The following COL22A1 variants were observed in gnomAD, a reference collection of about 807,000 sequenced individuals.
COL22A1 encodes the protein collagen type XXII alpha 1 chain, also known as collagen alpha-1(XXII) chain.
In COL22A1, 221 loss-of-function variants were observed where a neutral mutation model predicts 248.9. The ratio of observed to expected loss-of-function variants is 0.89; its 90% CI spans 0.80 to 0.99. COL22A1 has a LOEUF of 0.99. COL22A1 is among the 50% of genes least tolerant of loss of function. The pLI, the probability that COL22A1 is intolerant of heterozygous loss-of-function variation, is 0.00. For synonymous variants in COL22A1, 891 were observed against 793.4 expected, an observed-to-expected ratio of 1.12 and a Z score of -2.07; for missense variants, 2,240 against 2,179.0, an observed-to-expected ratio of 1.03 and a Z score of -0.56.
chr8:138,694,448 G>A, intron 34 of COL22A1, 60 bp downstream of exon 34: 1 of 1,533,830 alleles, frequency 6.5e-7, no homozygotes, highest in Non-Finnish European at 9.0e-7. Context: ...CCTGGAGCGA[G>A]AGAGTGTGGC....
At position 138,602,113 on chromosome 8, in the gene COL22A1, A is replaced by C; in HGVS notation, c.4185+2T>G. On this transcript the variant is annotated splice_donor_variant, in intron 60 of 64. Coordinates refer to ENST00000303045, the MANE Select transcript of COL22A1 (RefSeq NM_152888.3). LOFTEE classifies it high-confidence loss of function. ...TTCAAGGTGCCTGTGCTCTCCACTC[A>C]CCCTTTCTCCTTTGAATCCAGGCTC... 6.2e-7 allele frequency: 1 copy of C among 1,613,782 alleles called. No individual in the cohort carries two copies.
At chr8:138,800,764 T>C (rs1252296635) in intron 11 of COL22A1, among the ~76,000 whole-genome samples, 1 of 152,162 alleles carries the variant, frequency 6.6e-6, no homozygotes, top group Non-Finnish European at 1.5e-5. Flanking sequence ...TTTCTCTGAA[T>C]TCAGAATGTC....
chr8:138,640,842 G>T (rs182860265), intron 47 of COL22A1, among the ~76,000 whole-genome samples: 472 of 152,288 alleles, frequency 3.1e-3, no homozygotes, highest in African/African-American at 0.01. Context: ...AAGGTTCAGA[G>T]AATAATAAAT....
At chr8:138,755,308 T>C in intron 20 of COL22A1, 98 bp from the exon 21 acceptor site, 1 of 1,391,274 alleles carries the variant, frequency 7.2e-7, no homozygotes, top group African/African-American at 1.4e-5. Context: ...AAAGTTTACT[T>C]TCCAAGTTCT....
At chr8:138,829,464 T>C (rs1781472625) in intron 5 of COL22A1, among the ~76,000 whole-genome samples, 1 of 142,200 alleles carries the variant, frequency 7.0e-6, no homozygotes, top group African/African-American at 2.7e-5. Flanking sequence ...TAGAGTGCAA[T>C]GGCATGATCT....
intron 1 of COL22A1, among the ~76,000 whole-genome samples, chr8:138,887,418 C>T (rs533508403): frequency 4.3e-4 from 65 of 152,122 alleles, no homozygotes; most frequent in Non-Finnish European, 8.4e-4. Flanking sequence ...TGGGGCTTCA[C>T]CATGTTGGCC....
At chr8:138,897,167 G>A (rs1825478469) in intron 1 of COL22A1, among the ~76,000 whole-genome samples, 4 of 152,248 alleles carry the variant, frequency 2.6e-5, no homozygotes, top group South Asian at 4.2e-4. Context: ...GTAACAGAGA[G>A]AAGATATGAA....
At chr8:138,852,611 GGAGT>G (rs1156508923) in intron 3 of COL22A1, among the ~76,000 whole-genome samples, 1 of 152,140 alleles carries the variant, frequency 6.6e-6, no homozygotes, top group Non-Finnish European at 1.5e-5. Flanking sequence ...TAAAGCATCG[GGAGT>G]GAGTGAGATC....
chr8:138,875,382 A>G (rs958508231), intron 3 of COL22A1, among the ~76,000 whole-genome samples: 4 of 152,068 alleles, frequency 2.6e-5, no homozygotes, highest in Non-Finnish European at 4.4e-5. Flanking sequence ...CTGGGCATGA[A>G]GCTCCTGCTG....
At chr8:138,896,833 C>T (rs142990547) in intron 1 of COL22A1, among the ~76,000 whole-genome samples, 13 of 152,136 alleles carry the variant, frequency 8.5e-5, no homozygotes, top group African/African-American at 2.9e-4. Context: ...ATTAGCTGAA[C>T]GTGGTGGTGA....
chr8:138,778,136 C>T, intron 15 of COL22A1: 2 of 623,640 alleles, frequency 3.2e-6, no homozygotes, highest in Non-Finnish European at 5.8e-6. Flanking sequence ...GAAAGGGGTC[C>T]CAGGAATATG....
intron 22 of COL22A1, among the ~76,000 whole-genome samples, chr8:138,741,503 A>G (rs1026539771): frequency 1.3e-5 from 2 of 152,272 alleles, no homozygotes; most frequent in African/African-American, 4.8e-5. Flanking sequence ...TATAATCATG[A>G]TAATTATTTC....
At chr8:138,776,116 T>C in intron 15 of COL22A1, 106 bp from the exon 16 acceptor site, 1 of 1,079,618 alleles carries the variant, frequency 9.3e-7, no homozygotes, top group Non-Finnish European at 1.4e-6. Flanking sequence ...CAGCCCAGGG[T>C]GGCAGGGATG....
At chr8:138,848,699 C>T (rs1434004130) in intron 3 of COL22A1, among the ~76,000 whole-genome samples, 4 of 152,142 alleles carry the variant, frequency 2.6e-5, no homozygotes, top group African/African-American at 9.7e-5. Context: ...ATTTAACTCA[C>T]AACAACCATC....
At chr8:138,600,880 T>C (rs1374237824) in intron 60 of COL22A1, among the ~76,000 whole-genome samples, 1 of 152,176 alleles carries the variant, frequency 6.6e-6, no homozygotes. Flanking sequence ...TAAGGCCCTA[T>C]CTCATGCATG....
intron 3 of COL22A1, among the ~76,000 whole-genome samples, chr8:138,874,795 A>G (rs2132027442): frequency 6.6e-6 from 1 of 152,316 alleles, no homozygotes; most frequent in African/African-American, 2.4e-5. Context: ...AAGAGCAGAT[A>G]CGGGGCAGGG....
rs752071736 is a variant in COL22A1, at chr8:138,715,649, T to C, written c.2517+33A>G. ...TTTAGAAAAACCCAACTAATAATAATTGATGGTCAGAATGAGAGCAAGTTT... is the reference window on the plus strand; with the variant it reads ...TTTAGAAAAACCCAACTAATAATAACTGATGGTCAGAATGAGAGCAAGTTT... On this transcript the variant is annotated intron_variant, in intron 30 of 64. Transcript: ENST00000303045. 3.9e-6 allele frequency: 6 copies of C among 1,541,146 alleles called. No homozygotes were observed. In the East Asian group the frequency reaches 9.0e-5, roughly 23 times the overall value.
intron 6 of COL22A1, among the ~76,000 whole-genome samples, chr8:138,822,948 G>T (rs1448863808): frequency 6.6e-6 from 1 of 152,148 alleles, no homozygotes; most frequent in Non-Finnish European, 1.5e-5. Context: ...GGCATTTCTT[G>T]TTGGTTTCCT....
chr8:138,644,401 G>C (rs140712974), intron 47 of COL22A1, among the ~76,000 whole-genome samples: 3 of 152,140 alleles, frequency 2.0e-5, no homozygotes, highest in Non-Finnish European at 2.9e-5. Flanking sequence ...CACTGTGACC[G>C]TAAGGGCTAA....
Sources: gnomAD v4.1 joint callset for allele counts (sites outside exome capture counted in the v4.1 genomes callset) on GRCh38, gnomAD v4.1.1 for gene constraint, MANE v1.5 for transcripts, NCBI Gene and HGNC (gene_info 2026-07-23, HGNC 2026-07-21) for gene names.